Variants in UNC93A observed in about 807,000 individuals in gnomAD.
UNC93A encodes N-acetylglucosamine transporter UNC93A.
In UNC93A, 43 loss-of-function variants were observed where a neutral mutation model predicts 47.5. That is an observed-to-expected ratio of 0.91 (90% CI 0.71 to 1.17). The LOEUF (loss-of-function observed/expected upper bound fraction) is 1.17, where lower values mean the gene tolerates loss of function less well. Ranked by LOEUF, UNC93A falls within the 50% of genes most tolerant of loss-of-function variation. The pLI, the probability that UNC93A is intolerant of heterozygous loss-of-function variation, is 0.00. For synonymous variants in UNC93A, 280 were observed against 258.0 expected (o/e 1.09, Z -0.82); for missense variants, 605 against 577.6 (o/e 1.05, Z -0.49).
chr6:167,274,835 C>T (rs548187602), intron 1 of UNC93A, among the ~76,000 whole-genome samples: 14 of 150,454 alleles, frequency 9.3e-5, no homozygotes, highest in Admixed American at 2.7e-4. Flanking sequence ...ATTCCCTATG[C>T]AGTCGACTTC....
chr6:167,296,183 T>TTCTTCCTCA lies in UNC93A; in HGVS notation c.423_431dup (p.Leu143_Phe145dup). The TTCTTCCTCA allele has an allele frequency of 6.2e-7, 1 of 1,614,240 alleles. No individual in the cohort carries two copies. Among genetic ancestry groups the TTCTTCCTCA allele is most frequent in the South Asian group, 1.1e-5 (1 of 91,090 alleles). On this transcript the variant is annotated inframe_insertion, in exon 3 of 8. Coordinates refer to ENST00000230256, the MANE Select transcript of UNC93A (RefSeq NM_018974.4). Reference sequence around the variant, plus strand: ...CATGGTGAACCAGTATTTTGGCATCTTCTTCCTCATATTCCAGTCATCCGG... The same window carrying TTCTTCCTCA: ...CATGGTGAACCAGTATTTTGGCATCTTCTTCCTCATCTTCCTCATATTCCAGTCATCCGG...
chr6:167,303,608 G>A (rs1158887141), intron 4 of UNC93A, among the ~76,000 whole-genome samples: 2 of 152,134 alleles, frequency 1.3e-5, no homozygotes, highest in African/African-American at 4.8e-5. Context: ...GAGTCCAATG[G>A]TTAAGGACAC....
chr6:167,289,235 G>A (rs745818452), upstream of UNC93A, among the ~76,000 whole-genome samples: 2 of 152,216 alleles, frequency 1.3e-5, no homozygotes, highest in South Asian at 2.1e-4. Context: ...CTCAGGGGTC[G>A]GGTAAGATAA....
rs377419795 is a variant in UNC93A, at chr6:167,297,938, T to A, written c.500-7T>A. The A allele has an allele frequency of 1.9e-5, 31 of 1,613,442 alleles. No individual in the cohort carries two copies. Among genetic ancestry groups the A allele is most frequent in the African/African-American group, 2.7e-5 (2 of 74,852 alleles). Reference sequence around the variant, plus strand: ...TCTCATGTCTCCTGTCCACTCTGACTTCATAGAGACCCTTCCAGAAGAGCA... The same window carrying A: ...TCTCATGTCTCCTGTCCACTCTGACATCATAGAGACCCTTCCAGAAGAGCA... On this transcript the variant is annotated splice_region_variant and splice_polypyrimidine_tract_variant and intron_variant, in intron 3 of 7. Transcript: ENST00000230256.
upstream of UNC93A, among the ~76,000 whole-genome samples, chr6:167,287,888 G>A (rs753049406): frequency 5.6e-4 from 85 of 152,258 alleles, no homozygotes; most frequent in Non-Finnish European, 8.1e-4. Context: ...AGTGGAAGAC[G>A]GTGATCAATC....
At position 167,278,941 on chromosome 6, in the gene UNC93A, C is replaced by G. The variant is rs1247246446; in HGVS notation, c.-52+7483C>G. ...TGATTAGCACAGCTTGCCGTGTGTT[C>G]TGTTTTGATTTGGGTTTTGATTTTT... On this transcript the variant is annotated intron_variant, in intron 1 of 3. Coordinates refer to the UNC93A transcript ENST00000503433. Among the ~76,000 whole-genome samples, 2 of 152,206 alleles carry G rather than the reference C, an allele frequency of 1.3e-5. 1 individual carries two copies. Among genetic ancestry groups the G allele is most frequent in the African/African-American group, 4.8e-5 (2 of 41,446 alleles).
intron 1 of UNC93A, among the ~76,000 whole-genome samples, chr6:167,283,489 G>A (rs1054346759): frequency 1.8e-4 from 28 of 152,120 alleles, no homozygotes; most frequent in African/African-American, 5.1e-4. Flanking sequence ...CATTCAGTCC[G>A]TTGCGGGTCT....
chr6:167,301,129 A>C (rs1014108876), intron 4 of UNC93A, among the ~76,000 whole-genome samples: 1 of 152,260 alleles, frequency 6.6e-6, no homozygotes, highest in East Asian at 1.9e-4. Context: ...CCCCTGCTCT[A>C]GAGGAACAGC....
rs747948251 is a variant in UNC93A, at chr6:167,307,886, G to T, written c.1084G>T (p.Ala362Ser). ...CTCTGGCCTGTGGGGCGTGGCAGAT[G>T]CCGTCTGGCAGACACAAAACAATGG... ...VFSGLWGVAD[A>S]VWQTQNNALY... Residue 362 changes from alanine to serine, a missense_variant, in exon 7 of 8, where the codon GCC (alanine) becomes TCC (serine). By Grantham distance (99) the Ala-to-Ser change is moderately conservative (BLOSUM62 1). Coordinates refer to ENST00000230256, the MANE Select transcript of UNC93A (RefSeq NM_018974.4). 3 of 1,613,790 alleles carry T rather than the reference G, an allele frequency of 1.9e-6. No homozygotes were observed. The highest frequency in any genetic ancestry group is 2.5e-6 in the Non-Finnish European group (3 of 1,179,874).
chr6:167,315,672 A>G lies in UNC93A; in HGVS notation c.*220A>G, dbSNP rs560920126. Reference sequence around the variant, plus strand: ...GATCAAGTGTATACATGAAGGTATCAGTTCATTTAATTTTAGATGCAAAAG... The same window carrying G: ...GATCAAGTGTATACATGAAGGTATCGGTTCATTTAATTTTAGATGCAAAAG... On this transcript the variant is annotated 3_prime_UTR_variant, in exon 8 of 8. Transcript: ENST00000230256. 1.9e-6 allele frequency: 1 copy of G among 522,094 alleles called. No individual in the cohort carries two copies. The highest frequency in any genetic ancestry group is 3.2e-6 in the Non-Finnish European group (1 of 315,406). 32.3% of individuals were successfully genotyped at this position (522,094 alleles called of 1,614,324 possible). A position where few individuals can be genotyped will look rare whatever the true frequency, so the allele number is the denominator to read the frequency against.
chr6:167,295,681 C>A (rs62438487), intron 2 of UNC93A, among the ~76,000 whole-genome samples: 1,543 of 85,014 alleles, frequency 0.018, 7 homozygotes, highest in Non-Finnish European at 0.026. Flanking sequence ...CTGCCTCGTG[C>A]TCCTCGCCTG....
intron 1 of UNC93A, among the ~76,000 whole-genome samples, chr6:167,282,178 G>A (rs1783645028): frequency 6.6e-6 from 1 of 152,142 alleles, no homozygotes; most frequent in Admixed American, 6.5e-5. Context: ...TGTAGAGCTG[G>A]GGGATGCCTC....
upstream of UNC93A, among the ~76,000 whole-genome samples, chr6:167,289,389 T>C (rs1783801488): frequency 6.6e-6 from 1 of 151,946 alleles, no homozygotes; most frequent in Non-Finnish European, 1.5e-5. Context: ...GAGAGTGAAA[T>C]ATACTGTTCA....
At position 167,305,980 on chromosome 6, in the gene UNC93A, T is replaced by A. The variant is rs144921770; in HGVS notation, c.906T>A (p.Thr302=). 6.2e-7 allele frequency: 1 copy of A among 1,614,208 alleles called. No individual in the cohort carries two copies. Among genetic ancestry groups the A allele is most frequent in the Non-Finnish European group, 8.5e-7 (1 of 1,180,044 alleles). The stretch of plus-strand genomic sequence containing the variant: ...ACGTGATGATCTGCTTCTCGGCCAC[T>A]GACGCGCTGTGCTCCGTGTTGTATG... ...VGYVMICFSA[T]DALCSVLYGK... Residue 302 remains threonine (T), a synonymous_variant, in exon 6 of 8, where the codon ACT becomes ACA. Coordinates refer to ENST00000230256, the MANE Select transcript of UNC93A (RefSeq NM_018974.4).
intron 1 of UNC93A, among the ~76,000 whole-genome samples, chr6:167,279,011 A>G (rs374818722): frequency 5.0e-4 from 76 of 152,338 alleles, no homozygotes; most frequent in African/African-American, 1.7e-3. Context: ...TTTGCTTCGA[A>G]TTTTGAAAAG....
intron 2 of UNC93A, 121 bp downstream of exon 2, chr6:167,294,819 G>T: frequency 8.7e-7 from 1 of 1,146,268 alleles, no homozygotes; most frequent in Admixed American, 2.4e-5. Flanking sequence ...TTTAAAATGA[G>T]CTCTCCTGCC....
Sources: allele counts gnomAD v4.1 joint callset (sites outside exome capture counted in the v4.1 genomes callset), GRCh38; gene constraint gnomAD v4.1.1; transcripts MANE v1.5; gene names NCBI Gene and HGNC (gene_info 2026-07-23, HGNC 2026-07-21).